GATA4: variants seen among roughly 807,000 people sequenced by gnomAD.
The protein encoded by GATA4 is transcription factor GATA-4.
GATA4 carries 7 observed loss-of-function variants against 37.9 expected under a neutral mutation model. The observed-to-expected ratio is 0.18, with a 90% CI of 0.11 to 0.35. The LOEUF (loss-of-function observed/expected upper bound fraction) is 0.35, where lower values mean the gene tolerates loss of function less well. Ranked by LOEUF, GATA4 falls within the 10% of genes least tolerant of loss-of-function variation. GATA4 has a pLI of 1.00. For missense variants in GATA4, 647 were observed against 653.0 expected (o/e 0.99, Z 0.10); for synonymous variants, 372 against 292.6 (o/e 1.27, Z -2.77).
upstream of GATA4, among the ~76,000 whole-genome samples, chr8:11,702,380 C>G (rs1389876000): frequency 6.6e-6 from 1 of 152,008 alleles, no homozygotes; most frequent in Non-Finnish European, 1.5e-5. This position sits in a 1 kb window ranked among gnomAD's most constrained non-coding sequence, Gnocchi z 4.4. Context: ...GCCGGGATAG[C>G]TTCCCGCTCG....
At chr8:11,703,997 G>A (rs1383652556), upstream of GATA4, among the ~76,000 whole-genome samples, 4 of 152,268 alleles carry the variant, frequency 2.6e-5, no homozygotes, top group African/African-American at 4.8e-5. Flanking sequence ...CCCGCTCCCT[G>A]GCGGTAGCAC....
chr8:11,737,975 G>T (rs1801541111), intron 2 of GATA4, among the ~76,000 whole-genome samples: 1 of 152,152 alleles, frequency 6.6e-6, no homozygotes, highest in South Asian at 2.1e-4. Flanking sequence ...AGGCTCAGGA[G>T]TTCAAGACCA....
chr8:11,726,261 C>T (rs1385411524), intron 2 of GATA4, among the ~76,000 whole-genome samples: 1 of 152,158 alleles, frequency 6.6e-6, no homozygotes, highest in African/African-American at 2.4e-5. Flanking sequence ...GAAACAGAAG[C>T]CCAGGGATGA....
At chr8:11,682,897 C>G (rs1232255432) in intron 1 of GATA4, among the ~76,000 whole-genome samples, 2 of 152,184 alleles carry the variant, frequency 1.3e-5, no homozygotes, top group East Asian at 3.8e-4. Context: ...TAGAACTACT[C>G]CGGAGAATTC....
At chr8:11,742,380 T>G (rs1205601168) in intron 2 of GATA4, among the ~76,000 whole-genome samples, 1 of 92,950 alleles carries the variant, frequency 1.1e-5, no homozygotes, top group Non-Finnish European at 2.6e-5. Context: ...GTTTTTGGTG[T>G]TTTGTTTTTT....
intron 1 of GATA4, among the ~76,000 whole-genome samples, 173 bp downstream of exon 1, chr8:11,704,477 G>A (rs1028609584): frequency 5.3e-5 from 8 of 152,238 alleles, no homozygotes; most frequent in African/African-American, 1.9e-4. Context: ...CTTTGCCTTA[G>A]CAACTTCTTT....
In GATA4 at chr8:11,677,486, G is replaced by T. The variant is rs140890464; in HGVS notation, c.-274+423G>T. 5.6e-3 allele frequency among the ~76,000 whole-genome samples: 857 copies of T among 152,254 alleles called. 29 individuals are homozygous for T. The South Asian group carries it at 0.085, about 15-fold the overall frequency. ...CCAGAAATCAAATGGATCTGACCAG[G>T]TATCCCAGGACCATCTGGCCTCTGC... On this transcript the variant is annotated intron_variant, in intron 1 of 6. Coordinates refer to the GATA4 transcript ENST00000528712.
chr8:11,691,761 CT>C (rs1799321235), upstream of GATA4, among the ~76,000 whole-genome samples: 1 of 152,156 alleles, frequency 6.6e-6, no homozygotes, highest in African/African-American at 2.4e-5. Context: ...TCGCTCTACA[CT>C]GACACTCAGG....
At chr8:11,693,271 GC>G (rs1193575154) in intron 1 of GATA4, among the ~76,000 whole-genome samples, 17 of 152,238 alleles carry the variant, frequency 1.1e-4, no homozygotes, top group African/African-American at 4.1e-4. Context: ...ATAGAGACCA[GC>G]CTGGGCACCA....
At position 11,740,620 on chromosome 8, in the gene GATA4, C is replaced by G. The variant is rs1191654069; in HGVS notation, c.617-8296C>G. On this transcript the variant is annotated intron_variant, in intron 2 of 6. Coordinates refer to ENST00000532059, the MANE Select transcript of GATA4 (RefSeq NM_001308093.3). ...TGAGGGTGACAGCTGGCAAGACAGT[C>G]TTTGTAAAAAATGTATTGGTATAGG... Among the ~76,000 whole-genome samples the G allele has an allele frequency of 2.6e-5, 4 of 152,246 alleles. No individual in the cohort carries two copies. The South Asian group carries it at 6.2e-4, about 24-fold the overall frequency.
intron 2 of GATA4, among the ~76,000 whole-genome samples, chr8:11,728,462 G>C (rs1585639362): frequency 6.6e-6 from 1 of 152,100 alleles, no homozygotes; most frequent in African/African-American, 2.4e-5. Context: ...TTGAACTTCT[G>C]GGCTCAAGCA....
chr8:11,757,248 C>T (rs929600090), intron 6 of GATA4, among the ~76,000 whole-genome samples, 165 bp downstream of exon 6: 3 of 152,236 alleles, frequency 2.0e-5, no homozygotes, highest in African/African-American at 4.8e-5. Context: ...GTGTGGTGCC[C>T]TCAGGGCCGC....
At chr8:11,703,360 A>C (rs904449688), upstream of GATA4, among the ~76,000 whole-genome samples, 2 of 152,066 alleles carry the variant, frequency 1.3e-5, no homozygotes, top group African/African-American at 4.8e-5. Flanking sequence ...TGGGGCCTCC[A>C]GGCTCTGACG....
chr8:11,752,277 G>T (rs1208717712), intron 4 of GATA4, among the ~76,000 whole-genome samples: 1 of 152,148 alleles, frequency 6.6e-6, no homozygotes, highest in Admixed American at 6.5e-5. Flanking sequence ...AAATATACAC[G>T]TATAGGTGTA....
intron 2 of GATA4, among the ~76,000 whole-genome samples, chr8:11,744,906 A>G (rs1356007601): frequency 1.3e-5 from 2 of 152,026 alleles, no homozygotes; most frequent in African/African-American, 2.4e-5. Context: ...TGAGTCCCCC[A>G]CTCTGCTGAG....
intron 2 of GATA4, among the ~76,000 whole-genome samples, chr8:11,740,739 GT>G (rs35512328): frequency 1.1e-4 from 16 of 146,822 alleles, no homozygotes; most frequent in African/African-American, 1.5e-4. Context: ...TTCCTTTTCC[GT>G]TTTTTTTTTT....
At chr8:11,750,036 C>G in intron 3 of GATA4, 75 bp from the exon 4 acceptor site, 1 of 1,608,532 alleles carries the variant, frequency 6.2e-7, no homozygotes, top group Non-Finnish European at 8.5e-7. Context: ...GGCCCAGCTC[C>G]GCAGCCACAC....
rs1183065957 is a variant in GATA4 at position 11,708,487 on chromosome 8, G to T, written c.175G>T (p.Ala59Ser). ...CCTGTCCTACCTCCAGGGCGGAGGC[G>T]CGGGCTCTGCGTCCGGAGGCGCCTC... ...LGLSYLQGGG[A>S]GSASGGASGG... is the part of the protein sequence containing the mutation. Residue 59 changes from alanine to serine, a missense_variant, in exon 2 of 7, where the codon GCG becomes TCG. Ala to Ser is a moderately conservative substitution (Grantham distance 99). Around this residue, in one of 5 missense-constraint regions of GATA4, gnomAD observed 379 missense variants for 334.5 expected, o/e 1.13. Coordinates refer to ENST00000532059, the MANE Select transcript of GATA4 (RefSeq NM_001308093.3). The surrounding 1 kb of genome is among the most constrained non-coding windows in gnomAD (Gnocchi z 6.7). 2.0e-6 allele frequency: 3 copies of T among 1,496,074 alleles called. No individual in the cohort carries two copies. The highest frequency in any genetic ancestry group is 1.8e-6 in the Non-Finnish European group (2 of 1,129,940). The allele number at this position is 1,496,074 out of a possible 1,614,324, so 92.7% of individuals were successfully genotyped here. A position where few individuals can be genotyped will look rare whatever the true frequency, so the allele number is the denominator to read the frequency against.
intron 2 of GATA4, among the ~76,000 whole-genome samples, chr8:11,713,505 C>T (rs957192529): frequency 1.1e-4 from 16 of 151,928 alleles, no homozygotes; most frequent in Admixed American, 7.9e-4. Context: ...CCTAGGGGAA[C>T]GGTGGGCAGG....
Sources: gnomAD v4.1 joint callset for allele counts (sites outside exome capture counted in the v4.1 genomes callset) on GRCh38, gnomAD v4.1.1 for gene constraint, gnomAD v4.1.1 regional missense constraint, Gnocchi (gnomAD v3.1) non-coding constraint, MANE v1.5 for transcripts, NCBI Gene and HGNC (gene_info 2026-07-23, HGNC 2026-07-21) for gene names.